RNF114: variants seen among roughly 807,000 people sequenced by gnomAD.
RNF114 encodes ring finger protein 114, also known as E3 ubiquitin-protein ligase RNF114.
RNF114 carries 6 observed loss-of-function variants against 28.4 expected under a neutral mutation model. The ratio of observed to expected loss-of-function variants is 0.21; its 90% CI spans 0.12 to 0.42. The LOEUF is 0.42. Among genes scored for constraint, RNF114 ranks in the 10% least tolerant of loss-of-function variants. The pLI, the probability that RNF114 is intolerant of heterozygous loss-of-function variation, is 1.00. For synonymous variants in RNF114, 115 were observed against 116.7 expected, an observed-to-expected ratio of 0.99 and a Z score of 0.09; for missense variants, 249 against 311.7, an observed-to-expected ratio of 0.80 and a Z score of 1.51.
At position 49,941,637 on chromosome 20, in the gene RNF114, C is replaced by T. The variant is rs1307127519; in HGVS notation, c.217C>T (p.Pro73Ser). 6 of 1,612,924 alleles carry T rather than the reference C, an allele frequency of 3.7e-6. No individual in the cohort carries two copies. The African/African-American group carries it at 5.3e-5, about 14-fold the overall frequency. ...TGGGGTGTGTCGCAGCGCTCTGGCA[C>T]CTGGCGTCCGAGCCGTGGAGCTCGA... ...VCGVCRSALA[P>S]GVRAVELERQ... The change falls in exon 2 of 6, where the codon CCT becomes TCT. Residue 73 changes from proline to serine, a missense_variant. By Grantham distance (74) the Pro-to-Ser change is moderately conservative (BLOSUM62 -1). Around this residue, in one of 2 missense-constraint regions of RNF114, gnomAD observed 123 missense variants for 106.4 expected, o/e 1.16. Transcript: ENST00000244061.
intron 1 of RNF114, among the ~76,000 whole-genome samples, chr20:49,940,079 A>G (rs886795149): frequency 6.8e-6 from 1 of 146,726 alleles, no homozygotes; most frequent in African/African-American, 2.4e-5. Context: ...AAAAAAAGTA[A>G]CAAAACTTTG....
rs187041506 is a variant in RNF114 at position 49,950,079 on chromosome 20, G to A, written c.621+724G>A. 1.1e-4 allele frequency among the ~76,000 whole-genome samples: 17 copies of A among 151,960 alleles called. No individual in the cohort carries two copies. In the East Asian group the frequency reaches 3.0e-3, roughly 26 times the overall value. ...AGCCTAGCCAACATAGTGAAATCCC[G>A]TCTTTACTAAAAATACAAAAAAATT... is the stretch of plus-strand genomic sequence containing the variant. On this transcript the variant is annotated intron_variant, in intron 5 of 5. Coordinates refer to ENST00000244061, the MANE Select transcript of RNF114 (RefSeq NM_018683.4).
intron 2 of RNF114, chr20:49,945,103 G>C (rs1360642893): frequency 3.5e-6 from 1 of 282,746 alleles, no homozygotes; most frequent in Non-Finnish European, 6.8e-6. Flanking sequence ...GAGCTTGTCT[G>C]TGAGCAGACA....
At chr20:49,945,349 C>A in intron 2 of RNF114, 33 bp from the exon 3 acceptor site, 1 of 1,448,602 alleles carries the variant, frequency 6.9e-7, no homozygotes, top group Middle Eastern at 1.8e-4. Flanking sequence ...AAGGTCCTCA[C>A]TAACTTATGG....
At chr20:49,946,385 T>A (rs1470842875) in intron 4 of RNF114, 135 bp downstream of exon 4, 2 of 586,842 alleles carry the variant, frequency 3.4e-6, no homozygotes, top group Admixed American at 6.6e-5. Context: ...TTTTACCATA[T>A]TTGCTTAACC....
intron 1 of RNF114, 94 bp from the exon 2 acceptor site, chr20:49,941,467 C>T: frequency 7.2e-7 from 1 of 1,387,176 alleles, no homozygotes; most frequent in Non-Finnish European, 9.7e-7. Flanking sequence ...GTTTTTTACT[C>T]CATTATCCAT....
At chr20:49,945,260 T>G in intron 2 of RNF114, 122 bp from the exon 3 acceptor site, 1 of 626,522 alleles carries the variant, frequency 1.6e-6, no homozygotes, top group East Asian at 2.8e-5. Context: ...TAGTCAGGAG[T>G]TTGGTGAGAT....
intron 5 of RNF114, among the ~76,000 whole-genome samples, chr20:49,949,789 C>T (rs774081913): frequency 5.9e-5 from 9 of 152,216 alleles, no homozygotes; most frequent in East Asian, 2.0e-4. Flanking sequence ...GGACTACAGG[C>T]GCATGCCACC....
chr20:49,942,158 C>T (rs540164213), intron 2 of RNF114, among the ~76,000 whole-genome samples: 1 of 152,162 alleles, frequency 6.6e-6, no homozygotes, highest in East Asian at 1.9e-4. Context: ...ACTCAGGAGG[C>T]AGAGGCCAGA....
At chr20:49,946,991 G>A (rs900653439) in intron 4 of RNF114, among the ~76,000 whole-genome samples, 8 of 151,622 alleles carry the variant, frequency 5.3e-5, no homozygotes, top group Admixed American at 3.3e-4. Context: ...AGGCCAAGGC[G>A]GGTGGATCAG....
chr20:49,942,019 CTT>C (rs1348234932), intron 2 of RNF114: 1 of 285,454 alleles, frequency 3.5e-6, no homozygotes, highest in Non-Finnish European at 6.6e-6. Context: ...AACCCCAGCT[CTT>C]TGGGAGTCCG....
At chr20:49,944,743 T>C (rs2056991) in intron 2 of RNF114, 53,252 of 152,032 alleles carry the variant, frequency 0.35, 11,053 homozygotes, top group South Asian at 0.56. Context: ...TAGCTGGGCC[T>C]GATGGCACAC....
chr20:49,946,090 G>A (rs1436899225), intron 3 of RNF114, 46 bp from the exon 4 acceptor site: 1 of 990,420 alleles, frequency 1.0e-6, no homozygotes, highest in Non-Finnish European at 1.6e-6. Flanking sequence ...TTAATGGAAA[G>A]GTACTCACAG....
At chr20:49,937,784 T>C (rs922953293) in intron 1 of RNF114, among the ~76,000 whole-genome samples, 2 of 152,100 alleles carry the variant, frequency 1.3e-5, no homozygotes, top group African/African-American at 4.8e-5. Flanking sequence ...CCACTTCCTT[T>C]CTGGGACTTA....
intron 2 of RNF114, 169 bp downstream of exon 2, chr20:49,941,880 C>G (rs957936311): frequency 5.1e-6 from 3 of 593,460 alleles, no homozygotes; most frequent in Non-Finnish European, 8.4e-6. Context: ...CATAACCTTA[C>G]TGGTTTTTGT....
chr20:49,952,266 G>T lies in RNF114; in HGVS notation c.*125G>T. 1 of 862,686 alleles carries T rather than the reference G, an allele frequency of 1.2e-6. No homozygotes were observed. 53.4% of individuals were successfully genotyped at this position (862,686 alleles called of 1,614,324 possible). On this transcript the variant is annotated 3_prime_UTR_variant, in exon 6 of 6. Coordinates refer to ENST00000244061, the MANE Select transcript of RNF114 (RefSeq NM_018683.4). ...GAAAATGAGCCATGGCATTGGGACA[G>T]GGTCACTTCTGACAGGGGAAGTGGG...
In RNF114 at chr20:49,951,851, C is replaced by T. The variant is rs190406871; in HGVS notation, c.622-225C>T. Among the ~76,000 whole-genome samples the T allele has an allele frequency of 7.9e-5, 12 of 152,324 alleles. No homozygotes were observed. In the East Asian group the frequency reaches 2.1e-3, roughly 27 times the overall value. On this transcript the variant is annotated intron_variant, in intron 5 of 5. Transcript: ENST00000244061. ...CCAAGACTGTGCCACTGCACTCCAG[C>T]CTGGCAACAGAGCGAGACTCCATCA...
chr20:49,950,566 A>T (rs1331832476), intron 5 of RNF114, among the ~76,000 whole-genome samples: 1 of 151,428 alleles, frequency 6.6e-6, no homozygotes, highest in African/African-American at 2.4e-5. Context: ...CTGTAGTCCT[A>T]GCTACTTTGA....
At chr20:49,940,535 C>T (rs1396360227) in intron 1 of RNF114, among the ~76,000 whole-genome samples, 1 of 152,172 alleles carries the variant, frequency 6.6e-6, no homozygotes, top group African/African-American at 2.4e-5. Context: ...CTGCCTAAGC[C>T]TCCCGAGTAG....
Sources: gnomAD v4.1 joint callset for allele counts (sites outside exome capture counted in the v4.1 genomes callset) on GRCh38, gnomAD v4.1.1 for gene constraint, gnomAD v4.1.1 regional missense constraint, MANE v1.5 for transcripts, NCBI Gene and HGNC (gene_info 2026-07-23, HGNC 2026-07-21) for gene names.